SFMBT1: variants seen among roughly 807,000 people sequenced by gnomAD.
The protein encoded by SFMBT1 is scm-like with four MBT domains protein 1.
Under a neutral mutation model 108.7 loss-of-function variants are expected in SFMBT1, and 32 were observed. That is an observed-to-expected ratio of 0.29 (90% CI 0.22 to 0.40). SFMBT1 has a LOEUF of 0.40. Ranked by LOEUF, SFMBT1 falls within the 10% of genes least tolerant of loss-of-function variation. SFMBT1 has a pLI of 1.00. For synonymous variants in SFMBT1, 348 were observed against 369.5 expected (o/e 0.94, Z 0.67); for missense variants, 816 against 1,059.6 (o/e 0.77, Z 3.19).
chr3:52,950,388 C>G (rs1703532427), intron 3 of SFMBT1, among the ~76,000 whole-genome samples: 2 of 152,220 alleles, frequency 1.3e-5, no homozygotes, highest in Non-Finnish European at 2.9e-5. Context: ...TCCCCTGTAT[C>G]ATTGCTACCA....
intron 1 of SFMBT1, among the ~76,000 whole-genome samples, chr3:53,021,438 T>C (rs1315857781): frequency 1.3e-5 from 2 of 152,218 alleles, no homozygotes; most frequent in African/African-American, 4.8e-5. Context: ...TTCTGTGTTA[T>C]GTTTAAATTT....
At chr3:52,913,664 C>A in intron 14 of SFMBT1, 47 bp from the exon 15 acceptor site, 3 of 1,593,576 alleles carry the variant, frequency 1.9e-6, no homozygotes, top group Non-Finnish European at 2.6e-6. Flanking sequence ...ATTCTCTACC[C>A]CACGTTTCCA....
intron 3 of SFMBT1, among the ~76,000 whole-genome samples, chr3:52,946,180 C>G (rs903465086): frequency 6.6e-6 from 1 of 152,170 alleles, no homozygotes; most frequent in African/African-American, 2.4e-5. Flanking sequence ...TCAAAAGTGT[C>G]AAGTCCATAA....
Position 52,986,412 on chromosome 3 carries a change from T to A in SFMBT1, c.-130-17154A>T, listed in dbSNP as rs528038108. Among the ~76,000 whole-genome samples, 59 of 152,284 alleles carry A rather than the reference T, an allele frequency of 3.9e-4. 1 individual carries two copies. The highest frequency in any genetic ancestry group is 1.2e-3 in the African/African-American group (48 of 41,560). ...TTTATAAACTTTTTGATTTTTAAAA[T>A]TTTTTTGACTTTCTTGTAATAACAC... On this transcript the variant is annotated intron_variant, in intron 1 of 20. Coordinates refer to ENST00000394752, the MANE Select transcript of SFMBT1 (RefSeq NM_016329.4).
Position 52,954,342 on chromosome 3 carries a change from G to A in SFMBT1, c.98C>T (p.Ala33Val), listed in dbSNP as rs751326933. 6.2e-7 allele frequency: 1 copy of A among 1,613,702 alleles called. No homozygotes were observed. The highest frequency in any genetic ancestry group is 8.5e-7 in the Non-Finnish European group (1 of 1,179,758). Residue 33 changes from alanine to valine, a missense_variant, in exon 3 of 21, where the codon GCA becomes GTA. Physicochemically the swap from Ala to Val is moderately conservative, Grantham distance 64. Coordinates refer to ENST00000394752, the MANE Select transcript of SFMBT1 (RefSeq NM_016329.4). ...EDYLEETGST[A>V]VPYGSFKHVD... ...ATGTTTAAAAGACCCATAGGGAACT[G>A]CTGTGGACCCTGTTTCTTCTAGATA...
Position 52,934,855 on chromosome 3 carries a change from G to C in SFMBT1, c.411C>G (p.Thr137=), listed in dbSNP as rs773097602. The change falls in exon 5 of 21, where the codon ACC becomes ACG. Residue 137 remains threonine (T), a synonymous_variant. Transcript: ENST00000394752. ...CAGGAGGACTACATGCTCCTATCAGGGTCTGCCGCAGAAACTCATCCCAGT... is the reference window on the plus strand; with the variant it reads ...CAGGAGGACTACATGCTCCTATCAGCGTCTGCCGCAGAAACTCATCCCAGT... ...VSDWDEFLRQ[T]LIGACSPPVP... is the part of the protein sequence containing the mutation. 3.1e-6 allele frequency: 5 copies of C among 1,613,514 alleles called. 1 individual carries two copies. The highest frequency in any genetic ancestry group is 3.3e-4 in the Middle Eastern group (2 of 6,080).
chr3:53,038,331 T>C (rs1699929954), intron 1 of SFMBT1, among the ~76,000 whole-genome samples: 1 of 152,176 alleles, frequency 6.6e-6, no homozygotes, highest in African/African-American at 2.4e-5. Context: ...CAGAAAAGCC[T>C]TACTAACTCT....
At chr3:53,021,947 T>C (rs1020650947) in intron 1 of SFMBT1, among the ~76,000 whole-genome samples, 4 of 152,226 alleles carry the variant, frequency 2.6e-5, no homozygotes, top group Non-Finnish European at 4.4e-5. Context: ...AAGGGATTCA[T>C]AGAAGACTAA....
chr3:52,936,607 G>A (rs965038110), intron 4 of SFMBT1, among the ~76,000 whole-genome samples: 2 of 152,150 alleles, frequency 1.3e-5, no homozygotes, highest in African/African-American at 2.4e-5. Context: ...AGATGTTCCA[G>A]GATCATCTAG....
At chr3:52,924,417 A>T (rs1434166258) in intron 10 of SFMBT1, among the ~76,000 whole-genome samples, 1 of 152,086 alleles carries the variant, frequency 6.6e-6, no homozygotes, top group Non-Finnish European at 1.5e-5. Context: ...TGAGGCGGGA[A>T]GATCATCTGA....
chr3:53,013,896 T>TGGG (rs1281983573), intron 1 of SFMBT1, among the ~76,000 whole-genome samples: 6 of 152,152 alleles, frequency 3.9e-5, no homozygotes, highest in Non-Finnish European at 5.9e-5. Context: ...CCCAAAGTGC[T>TGGG]GGGATTACAG....
chr3:52,958,036 G>A (rs1703836108), intron 2 of SFMBT1, among the ~76,000 whole-genome samples: 2 of 152,116 alleles, frequency 1.3e-5, no homozygotes, highest in Admixed American at 1.3e-4. Context: ...CTAAAGAATG[G>A]GAGAACATTT....
intron 1 of SFMBT1, among the ~76,000 whole-genome samples, chr3:53,010,550 A>G (rs1698907039): frequency 6.6e-6 from 1 of 152,204 alleles, no homozygotes; most frequent in South Asian, 2.1e-4. Flanking sequence ...TCTTTACACA[A>G]TATACATGGG....
chr3:52,905,351 C>T, intron 20 of SFMBT1, 75 bp from the exon 21 acceptor site: 1 of 1,473,700 alleles, frequency 6.8e-7, no homozygotes, highest in East Asian at 2.4e-5. Flanking sequence ...CCTCTCCTCA[C>T]TTTAGCTCTG....
At chr3:52,908,182 A>C (rs753079305) in intron 17 of SFMBT1, among the ~76,000 whole-genome samples, 1 of 148,784 alleles carries the variant, frequency 6.7e-6, no homozygotes, top group Non-Finnish European at 1.5e-5. Context: ...CAAGCAATTC[A>C]TCTGCCTCAG....
At chr3:52,986,681 CA>C (rs1704927207) in intron 1 of SFMBT1, among the ~76,000 whole-genome samples, 1 of 147,320 alleles carries the variant, frequency 6.8e-6, no homozygotes, top group African/African-American at 2.5e-5. Context: ...GAGGTTGAGG[CA>C]GGGAAATCGC....
At chr3:52,982,875 A>C (rs1704765839) in intron 1 of SFMBT1, among the ~76,000 whole-genome samples, 1 of 151,906 alleles carries the variant, frequency 6.6e-6, no homozygotes, top group South Asian at 2.1e-4. Context: ...GATGTAGAAG[A>C]AGCAGTGCCA....
intron 1 of SFMBT1, among the ~76,000 whole-genome samples, chr3:52,999,272 G>A (rs1261753039): frequency 6.6e-6 from 1 of 150,498 alleles, no homozygotes; most frequent in East Asian, 1.9e-4. Context: ...AGGGCTCCTG[G>A]AACCCTACGT....
chr3:52,970,830 A>G (rs1704316016), intron 1 of SFMBT1, among the ~76,000 whole-genome samples: 1 of 152,210 alleles, frequency 6.6e-6, no homozygotes, highest in African/African-American at 2.4e-5. Flanking sequence ...CCTAAAGGAC[A>G]ATAGCTTAAA....
Sources: allele counts gnomAD v4.1 joint callset (sites outside exome capture counted in the v4.1 genomes callset), GRCh38; gene constraint gnomAD v4.1.1; transcripts MANE v1.5; gene names NCBI Gene and HGNC (gene_info 2026-07-23, HGNC 2026-07-21).